BRSK1: variants seen among roughly 807,000 people sequenced by gnomAD.
BRSK1 encodes the protein BR serine/threonine kinase 1, also known as serine/threonine-protein kinase BRSK1.
Under a neutral mutation model 86.2 loss-of-function variants are expected in BRSK1, and 17 were observed. The ratio of observed to expected loss-of-function variants is 0.20; its 90% CI spans 0.14 to 0.30. The LOEUF is 0.30. BRSK1 is among the 10% of genes least tolerant of loss of function. The pLI is 1.00. For missense variants in BRSK1, 719 were observed against 1,071.9 expected (o/e 0.67, Z 4.60); for synonymous variants, 464 against 440.1 (o/e 1.05, Z -0.68).
At position 55,303,884 on chromosome 19, in the gene BRSK1, T is replaced by TTCTAA. The variant is rs1568987125; in HGVS notation, c.1286+59_1286+63dup. ...AATCCCTGGGTCTAGGAGTTCAAGA[T>TTCTAA]TCTAACCCCAGCTCTACCTCAAATG... On this transcript the variant is annotated intron_variant, in intron 12 of 18. Transcript: ENST00000309383. The surrounding 1 kb of genome is among the most constrained non-coding windows in gnomAD (Gnocchi z 5.1). 2.0e-6 allele frequency: 3 copies of TTCTAA among 1,532,820 alleles called. No homozygotes were observed. In the South Asian group the frequency reaches 3.9e-5, roughly 20 times the overall value. 95.0% of individuals were successfully genotyped at this position (1,532,820 alleles called of 1,614,324 possible).
intron 4 of BRSK1, among the ~76,000 whole-genome samples, chr19:55,290,883 C>T (rs7257215): frequency 0.014 from 2,083 of 151,968 alleles, 44 homozygotes; most frequent in African/African-American, 0.048. Context: ...CCTCGTAATC[C>T]GTCCGCCTCG....
rs1299505356 is a variant in BRSK1 at position 55,304,790 on chromosome 19, C to T, written c.1587C>T (p.Thr529=). 12 of 1,563,728 alleles carry T rather than the reference C, an allele frequency of 7.7e-6. No individual in the cohort carries two copies. The highest frequency in any genetic ancestry group is 8.6e-6 in the Non-Finnish European group (10 of 1,158,900). Residue 529 remains threonine, a synonymous_variant, in exon 14 of 19, where the codon ACC becomes ACT. Transcript: ENST00000309383. This position sits in a 1 kb window ranked among gnomAD's most constrained non-coding sequence, Gnocchi z 5.2. ...SPLHTPRASP[T]GTPGTTPPPS... is the part of the protein sequence containing the mutation. ...TGCACACGCCCCGGGCCAGTCCCAC[C>T]GGGACCCCGGGGACAACACCACCCC...
In BRSK1 at chr19:55,311,946, GC is replaced by G; in HGVS notation, c.2219del (p.Pro740HisfsTer16). 1 of 1,610,632 alleles carries G rather than the reference GC, an allele frequency of 6.2e-7. No homozygotes were observed. The highest frequency in any genetic ancestry group is 8.5e-7 in the Non-Finnish European group (1 of 1,178,786). On this transcript the variant is annotated frameshift_variant, in exon 19 of 19. Transcript: ENST00000309383. LOFTEE classifies it high-confidence loss of function. ...KNGAQTRPAG[A>X]PPRSLQPPPG... ...CGGGGCCCAGACCCGGCCTGCTGGT[GC>G]CCCACCCCGAAGCCTGCAGCCCCCA...
chr19:55,294,720 T>TC lies in BRSK1; in HGVS notation c.678+325dup, dbSNP rs760040266. On this transcript the variant is annotated intron_variant, in intron 7 of 18. Transcript: ENST00000309383. The surrounding 1 kb of genome is among the most constrained non-coding windows in gnomAD (Gnocchi z 4.9). ...TTTCGCCATATTGGCCAGGCTGGTC[T>TC]CCAACTCCTGACCTCAGGTGATCCA... Among the ~76,000 whole-genome samples, 1 of 152,130 alleles carries TC rather than the reference T, an allele frequency of 6.6e-6. No individual in the cohort carries two copies. The highest frequency in any genetic ancestry group is 1.9e-4 in the East Asian group (1 of 5,190).
intron 1 of BRSK1, among the ~76,000 whole-genome samples, 199 bp downstream of exon 1, chr19:55,284,777 G>A (rs558171463): frequency 2.0e-5 from 3 of 152,170 alleles, no homozygotes; most frequent in South Asian, 2.1e-4. Context: ...GGAGGAGAGG[G>A]GCTGGGGGCC....
intron 18 of BRSK1, among the ~76,000 whole-genome samples, chr19:55,311,441 G>A (rs918406343): frequency 2.0e-5 from 3 of 152,160 alleles, no homozygotes; most frequent in African/African-American, 4.8e-5. Flanking sequence ...CCAGCATGAG[G>A]GGCCTGAGAC....
At chr19:55,291,083 A>G (rs868236815) in intron 4 of BRSK1, among the ~76,000 whole-genome samples, 12 of 152,248 alleles carry the variant, frequency 7.9e-5, no homozygotes, top group Middle Eastern at 3.4e-3. Context: ...ATTTTTGTAT[A>G]TGGTGTGAAG....
At position 55,303,100 on chromosome 19, in the gene BRSK1, C is replaced by G. The variant is rs1600186656; in HGVS notation, c.1029-211C>G. ...ATATACATAGTACTTACAAATAGTT[C>G]TTGCCTGGATGTTAGGTGTTACAGT... On this transcript the variant is annotated intron_variant, in intron 10 of 18. Coordinates refer to ENST00000309383, the MANE Select transcript of BRSK1 (RefSeq NM_032430.2). The surrounding 1 kb of genome is among the most constrained non-coding windows in gnomAD (Gnocchi z 5.1). 12 of 636,404 alleles carry G rather than the reference C, an allele frequency of 1.9e-5. No individual in the cohort carries two copies. The East Asian group carries it at 3.3e-4, about 17-fold the overall frequency. 39.4% of individuals were successfully genotyped at this position (636,404 alleles called of 1,614,324 possible).
At position 55,304,658 on chromosome 19, in the gene BRSK1, T is replaced by A; in HGVS notation, c.1455T>A (p.Gly485=). ...CGCTGCCTTCTCGGGGCCCCAGGGG[T>A]GGGGGCGCCGGGGAGCAGCCCCCGC... is the stretch of plus-strand genomic sequence containing the variant. ...TQTLPSRGPR[G]GGAGEQPPPP... is the part of the protein sequence containing the mutation. The change falls in exon 14 of 19, where the codon GGT becomes GGA. Residue 485 remains glycine, a synonymous_variant. Transcript: ENST00000309383. This position sits in a 1 kb window ranked among gnomAD's most constrained non-coding sequence, Gnocchi z 5.2. 1 of 1,503,192 alleles carries A rather than the reference T, an allele frequency of 6.7e-7. No individual in the cohort carries two copies. The highest frequency in any genetic ancestry group is 8.8e-7 in the Non-Finnish European group (1 of 1,131,900). 93.1% of individuals were successfully genotyped at this position (1,503,192 alleles called of 1,614,324 possible).
chr19:55,286,993 C>A lies in BRSK1; in HGVS notation c.137-14C>A, dbSNP rs1015923761. 8.7e-6 allele frequency: 14 copies of A among 1,613,612 alleles called. No homozygotes were observed. The highest frequency in any genetic ancestry group is 1.2e-5 in the Non-Finnish European group (14 of 1,179,738). ...CCCGGCGGAACACCCCACATTTTCA[C>A]CCTGCTCCTGCAGGGCTGGTTAAAC... On this transcript the variant is annotated splice_polypyrimidine_tract_variant and intron_variant, in intron 1 of 18. Transcript: ENST00000309383.
rs747082925 is a variant in BRSK1 at position 55,287,338 on chromosome 19, CTCTCCAGGTTACCAGGGTGGGACT to C, written c.317+47_317+70del. The C allele has an allele frequency of 1.3e-6, 2 of 1,594,200 alleles. No individual in the cohort carries two copies. The highest frequency in any genetic ancestry group is 2.2e-5 in the South Asian group (2 of 90,638). ...GACACCCAGCCCTACCCCATCCTCC[CTCTCCAGGTTACCAGGGTGGGACT>C]TCTCCAGAAACAGGGCCTAGGGGGA... On this transcript the variant is annotated intron_variant, in intron 3 of 18. Transcript: ENST00000309383. The surrounding 1 kb of genome is among the most constrained non-coding windows in gnomAD (Gnocchi z 5.3).
chr19:55,296,253 T>C (rs1181050643), intron 7 of BRSK1, among the ~76,000 whole-genome samples: 3 of 152,090 alleles, frequency 2.0e-5, no homozygotes, highest in African/African-American at 7.2e-5. Flanking sequence ...TTGAGTGGCA[T>C]CTCCCTTCCC....
chr19:55,306,475 GC>G lies in BRSK1; in HGVS notation c.2089+26del, dbSNP rs1568988938. ...GGTGAGTCTCTTGGCTAGGCTGCCT[GC>G]AGCCCAGTGCTGGGACTGTTCACGA... is the stretch of plus-strand genomic sequence containing the variant. On this transcript the variant is annotated intron_variant, in intron 17 of 18. Coordinates refer to ENST00000309383, the MANE Select transcript of BRSK1 (RefSeq NM_032430.2). This position sits in a 1 kb window ranked among gnomAD's most constrained non-coding sequence, Gnocchi z 4.7. 8.7e-6 allele frequency: 14 copies of G among 1,608,504 alleles called. No homozygotes were observed. In the Admixed American group the frequency reaches 2.3e-4, roughly 27 times the overall value.
chr19:55,305,120 C>G (rs1344550990), intron 14 of BRSK1, among the ~76,000 whole-genome samples, 200 bp downstream of exon 14: 1 of 152,096 alleles, frequency 6.6e-6, no homozygotes, highest in Non-Finnish European at 1.5e-5. Context: ...AGGAGGACCC[C>G]GATTGAAGGG....
Position 55,303,290 on chromosome 19 carries a change from C to T in BRSK1, c.1029-21C>T. ...TCAGCCCTCTGCTACCTCTTTCCAC[C>T]TTTCCCACCCCCTGCCTTAGGGAGA... is the stretch of plus-strand genomic sequence containing the variant. On this transcript the variant is annotated intron_variant, in intron 10 of 18. Coordinates refer to ENST00000309383, the MANE Select transcript of BRSK1 (RefSeq NM_032430.2). This position sits in a 1 kb window ranked among gnomAD's most constrained non-coding sequence, Gnocchi z 5.1. 1 of 1,599,174 alleles carries T rather than the reference C, an allele frequency of 6.3e-7. No homozygotes were observed. The highest frequency in any genetic ancestry group is 8.6e-7 in the Non-Finnish European group (1 of 1,166,786).
chr19:55,298,363 G>A (rs2088521654), intron 7 of BRSK1, among the ~76,000 whole-genome samples: 1 of 150,900 alleles, frequency 6.6e-6, no homozygotes, highest in Non-Finnish European at 1.5e-5. Context: ...GTAGAGATGG[G>A]GTTTCACCAT....
chr19:55,289,382 G>A, intron 3 of BRSK1, 98 bp from the exon 4 acceptor site: 18 of 1,403,034 alleles, frequency 1.3e-5, no homozygotes, highest in Non-Finnish European at 1.7e-5. Flanking sequence ...CATGGGAATT[G>A]GAGTTCTCTG....
chr19:55,293,992 C>T (rs1268693813), intron 4 of BRSK1, 25 bp from the exon 5 acceptor site: 1 of 1,591,752 alleles, frequency 6.3e-7, no homozygotes, highest in Non-Finnish European at 8.6e-7. Flanking sequence ...AAGGAAGAGG[C>T]CTGAGTCCCA....
rs1051959668 is a variant in BRSK1, at chr19:55,294,577, C to G, written c.678+180C>G. Among the ~76,000 whole-genome samples the G allele has an allele frequency of 1.3e-5, 2 of 152,158 alleles. No individual in the cohort carries two copies. Among genetic ancestry groups the G allele is most frequent in the African/African-American group, 4.8e-5 (2 of 41,440 alleles). On this transcript the variant is annotated intron_variant, in intron 7 of 18. Transcript: ENST00000309383. This position sits in a 1 kb window ranked among gnomAD's most constrained non-coding sequence, Gnocchi z 4.9. ...AGTGCAGTGGTGTGATCTCAGCTCACTGCAACCTCTGCCTCCCAGCTTCAA... is the reference window on the plus strand; with the variant it reads ...AGTGCAGTGGTGTGATCTCAGCTCAGTGCAACCTCTGCCTCCCAGCTTCAA...
Sources: allele counts gnomAD v4.1 joint callset (sites outside exome capture counted in the v4.1 genomes callset), GRCh38; gene constraint gnomAD v4.1.1; non-coding constraint Gnocchi (gnomAD v3.1); transcripts MANE v1.5; gene names NCBI Gene and HGNC (gene_info 2026-07-23, HGNC 2026-07-21).